STK3: variants seen among roughly 807,000 people sequenced by gnomAD.
The protein encoded by STK3 is serine/threonine-protein kinase 3.
A neutral mutation model predicts 58.0 loss-of-function variants in STK3; 41 were observed. The observed-to-expected ratio is 0.71, with a 90% confidence interval of 0.55 to 0.92. STK3 has a LOEUF of 0.92. Among genes scored for constraint, STK3 ranks in the 40% least tolerant of loss-of-function variants. STK3 has a pLI of 0.00. For synonymous variants in STK3, 170 were observed against 191.0 expected (o/e 0.89, Z 0.91); for missense variants, 479 against 602.7 (o/e 0.79, Z 2.15).
intron 4 of STK3, among the ~76,000 whole-genome samples, chr8:98,737,390 A>G (rs1185083666): frequency 6.6e-6 from 1 of 152,222 alleles, no homozygotes; most frequent in Non-Finnish European, 1.5e-5. Context: ...ACTCCTAAAA[A>G]GAGATTAAGA....
chr8:98,715,343 G>T (rs1826907157), intron 4 of STK3, among the ~76,000 whole-genome samples: 1 of 151,720 alleles, frequency 6.6e-6, no homozygotes. Flanking sequence ...GAGTGAACAG[G>T]CAACCTACAG....
At chr8:98,777,063 T>A (rs1254644529) in intron 1 of STK3, among the ~76,000 whole-genome samples, 1 of 150,900 alleles carries the variant, frequency 6.6e-6, no homozygotes, top group Admixed American at 6.6e-5. Context: ...AAAAAAAAAT[T>A]AATTAAAAAT....
chr8:98,408,373 A>T (rs192052042), intron 3 of STK3, among the ~76,000 whole-genome samples: 1 of 152,376 alleles, frequency 6.6e-6, no homozygotes, highest in South Asian at 2.1e-4. Context: ...TAAAAATGCA[A>T]TGGCTAAGAT....
rs531984532 is a variant in STK3 at position 98,931,031 on chromosome 8, T to C, written c.-79+11347A>G. On this transcript the variant is annotated intron_variant, in intron 1 of 1. Coordinates refer to the STK3 transcript ENST00000519420. Reference sequence around the variant, plus strand: ...TAACCCACAGCTTCTGTCTGACCCATGTTTCTGCCACTGAGCTGGTTCCAG... The same window carrying C: ...TAACCCACAGCTTCTGTCTGACCCACGTTTCTGCCACTGAGCTGGTTCCAG... Among the ~76,000 whole-genome samples the C allele has an allele frequency of 4.6e-5, 7 of 152,334 alleles. No homozygotes were observed. In the South Asian group the frequency reaches 1.5e-3, roughly 32 times the overall value.
At chr8:98,821,106 T>C (rs1261935490) in intron 1 of STK3, among the ~76,000 whole-genome samples, 2 of 152,184 alleles carry the variant, frequency 1.3e-5, no homozygotes, top group Non-Finnish European at 2.9e-5. Context: ...TACTGGTCCA[T>C]GGCCTGTTAG....
At chr8:98,360,130 G>A in the STK3 span, among the ~76,000 whole-genome samples, 14 of 152,170 alleles carry the variant, frequency 9.2e-5, no homozygotes, top group African/African-American at 3.4e-4. Flanking sequence ...ACTTACCTTC[G>A]GGGTCTTTGC....
chr8:98,859,686 T>C (rs3019291), intron 3 of STK3, among the ~76,000 whole-genome samples: 38,037 of 152,140 alleles, frequency 0.25, 5,829 homozygotes, highest in East Asian at 0.44. Flanking sequence ...GAGCTGGCCA[T>C]CCAGGGCATG....
At chr8:98,389,552 G>T (rs1817826740), upstream of STK3, among the ~76,000 whole-genome samples, 1 of 152,104 alleles carries the variant, frequency 6.6e-6, no homozygotes, top group South Asian at 2.1e-4. Context: ...GGCATGGGTG[G>T]TGCTAGCCCT....
chr8:98,395,916 A>G (rs1224539479), intron 3 of STK3, among the ~76,000 whole-genome samples: 1 of 152,258 alleles, frequency 6.6e-6, no homozygotes, highest in Non-Finnish European at 1.5e-5. Flanking sequence ...TTTCTTGACT[A>G]GATATTTTAA....
chr8:98,744,871 A>T (rs1291623349), intron 4 of STK3, among the ~76,000 whole-genome samples: 1 of 152,108 alleles, frequency 6.6e-6, no homozygotes, highest in African/African-American at 2.4e-5. Context: ...GGGATAGAAA[A>T]TTGTGTTAGG....
At chr8:98,533,612 T>C (rs1027582952) in intron 9 of STK3, among the ~76,000 whole-genome samples, 1 of 152,056 alleles carries the variant, frequency 6.6e-6, no homozygotes, top group Non-Finnish European at 1.5e-5. Context: ...CTCAGCCTCC[T>C]GAGTAGCTAG....
intron 4 of STK3, among the ~76,000 whole-genome samples, chr8:98,712,306 C>T (rs1251953551): frequency 2.6e-5 from 4 of 152,152 alleles, no homozygotes; most frequent in Non-Finnish European, 5.9e-5. Context: ...CGTAAATGGA[C>T]TAAATGCTCC....
intron 1 of STK3, among the ~76,000 whole-genome samples, chr8:98,914,110 A>G (rs991589392): frequency 3.3e-5 from 5 of 152,108 alleles, no homozygotes; most frequent in South Asian, 2.1e-4. Context: ...CATGTAACAC[A>G]TCTGCACTTG....
intron 2 of STK3, among the ~76,000 whole-genome samples, chr8:98,435,285 C>T (rs1384824989): frequency 6.6e-6 from 1 of 152,184 alleles, no homozygotes; most frequent in Non-Finnish European, 1.5e-5. Flanking sequence ...ACCTTTTCCT[C>T]CAGTAACAGG....
At chr8:98,447,169 C>A (rs376484395) in intron 1 of STK3, among the ~76,000 whole-genome samples, 1 of 152,014 alleles carries the variant, frequency 6.6e-6, no homozygotes, top group Non-Finnish European at 1.5e-5. Flanking sequence ...ATGAAATAAT[C>A]TGTACAACAA....
intron 7 of STK3, among the ~76,000 whole-genome samples, chr8:98,583,063 T>C (rs1469216725): frequency 6.6e-6 from 1 of 152,162 alleles, no homozygotes; most frequent in African/African-American, 2.4e-5. Context: ...TTTTTGATCA[T>C]GTTATTCATA....
At chr8:98,404,576 AG>A (rs1253523465) in intron 3 of STK3, among the ~76,000 whole-genome samples, 1 of 149,360 alleles carries the variant, frequency 6.7e-6, no homozygotes, top group Non-Finnish European at 1.5e-5. Flanking sequence ...GCTACTCGGG[AG>A]GCTGAGGCAG....
chr8:98,924,464 A>G (rs1235069531), intron 1 of STK3, among the ~76,000 whole-genome samples: 3 of 152,152 alleles, frequency 2.0e-5, no homozygotes, highest in African/African-American at 7.2e-5. Flanking sequence ...CTTTATGCAT[A>G]CTTTCCCTCT....
intron 3 of STK3, among the ~76,000 whole-genome samples, chr8:98,417,684 T>C (rs1007758421): frequency 1.3e-5 from 2 of 152,130 alleles, no homozygotes; most frequent in African/African-American, 4.8e-5. Context: ...CACCATGTTG[T>C]TGTGATGATT....
Sources: allele counts gnomAD v4.1 joint callset (sites outside exome capture counted in the v4.1 genomes callset), GRCh38; gene constraint gnomAD v4.1.1; transcripts MANE v1.5; gene names NCBI Gene and HGNC (gene_info 2026-07-23, HGNC 2026-07-21).